Variants in ABCC3 observed in about 807,000 individuals in gnomAD.
ABCC3 encodes ATP binding cassette subfamily C member 3.
ABCC3 carries 121 observed loss-of-function variants against 165.3 expected under a neutral mutation model. The observed-to-expected ratio is 0.73, with a 90% CI of 0.63 to 0.85. ABCC3 has a LOEUF of 0.85. Among genes scored for constraint, ABCC3 ranks in the 40% least tolerant of loss-of-function variants. The pLI is 0.00. For synonymous variants in ABCC3, 733 were observed against 810.1 expected (o/e 0.90, Z 1.62); for missense variants, 1,869 against 1,964.1 (o/e 0.95, Z 0.92).
At chr17:50,637,883 A>C (rs1175915142) in intron 1 of ABCC3, among the ~76,000 whole-genome samples, 1 of 152,148 alleles carries the variant, frequency 6.6e-6, no homozygotes, top group Non-Finnish European at 1.5e-5. Context: ...AGTGGCTCCC[A>C]TTTCAGCTGT....
At chr17:50,661,162 C>G in intron 8 of ABCC3, 48 bp downstream of exon 8, 1 of 1,509,170 alleles carries the variant, frequency 6.6e-7, no homozygotes. Flanking sequence ...GGCAGCAGGG[C>G]TGGCTGGCTA....
chr17:50,641,646 G>A (rs917324915), intron 1 of ABCC3, among the ~76,000 whole-genome samples: 3 of 152,142 alleles, frequency 2.0e-5, no homozygotes, highest in Admixed American at 2.0e-4. Context: ...CCTTCTCTGT[G>A]CCAGGCCCTG....
chr17:50,656,867 C>T, intron 3 of ABCC3, 40 bp downstream of exon 3: 2 of 1,580,698 alleles, frequency 1.3e-6, no homozygotes, highest in Non-Finnish European at 1.7e-6. Flanking sequence ...GGGGAGGTCT[C>T]CATTGGGTTG....
chr17:50,664,047 C>G lies in ABCC3; in HGVS notation c.1274C>G (p.Pro425Arg). 1 of 1,614,204 alleles carries G rather than the reference C, an allele frequency of 6.2e-7. No homozygotes were observed. The highest frequency in any genetic ancestry group is 8.5e-7 in the Non-Finnish European group (1 of 1,180,046). Residue 425 changes from proline (P) to arginine (R), a missense_variant, in exon 10 of 31, where the codon CCC becomes CGC. Physicochemically the swap from Pro to Arg is moderately radical, Grantham distance 103. Coordinates refer to ENST00000285238, the MANE Select transcript of ABCC3 (RefSeq NM_003786.4). ...GCCCAGCGCTTCATGGACCTTGCCC[C>G]CTTCCTCAATCTGCTGTGGTCAGCA... Reference protein sequence around the residue: ...VDAQRFMDLAPFLNLLWSAPL... With the variant: ...VDAQRFMDLARFLNLLWSAPL...
At chr17:50,664,144 C>T (rs1967468141) in intron 10 of ABCC3, 33 bp downstream of exon 10, 12 of 1,611,068 alleles carry the variant, frequency 7.4e-6, no homozygotes, top group Non-Finnish European at 1.0e-5. Context: ...TGCCTCCTTC[C>T]TCTGACATGC....
intron 11 of ABCC3, among the ~76,000 whole-genome samples, chr17:50,667,213 A>G (rs994999405): frequency 1.3e-5 from 2 of 152,090 alleles, no homozygotes; most frequent in African/African-American, 4.8e-5. Context: ...ACAGTGAGGC[A>G]CCATCTCTAA....
rs1292934429 is a variant in ABCC3, at chr17:50,683,664, G to A, written c.3862G>A (p.Glu1288Lys). The A allele has an allele frequency of 1.9e-6, 3 of 1,604,012 alleles. No homozygotes were observed. Among genetic ancestry groups the A allele is most frequent in the Non-Finnish European group, 1.7e-6 (2 of 1,175,008 alleles). ...TCCCGAAGGTTGGCCCCCACGTGGG[G>A]AGGTGGAGTTCCGGAATTATTCTGT... ...RPPEGWPPRG[E>K]VEFRNYSVRY... The change falls in exon 27 of 31, where the codon GAG becomes AAG. Residue 1288 changes from glutamate to lysine, a missense_variant. Coordinates refer to ENST00000285238, the MANE Select transcript of ABCC3 (RefSeq NM_003786.4).
rs562693547 is a variant in ABCC3 at position 50,673,689 on chromosome 17, A to T, written c.2599+31A>T. The T allele has an allele frequency of 1.6e-5, 26 of 1,607,474 alleles. No homozygotes were observed. The African/African-American group carries it at 2.9e-4, about 18-fold the overall frequency. ...TGCCATCCTGGGCCCTCTGATTCCC[A>T]TGCCTTCCCAGCATTCCCCCTGTCT... is the stretch of plus-strand genomic sequence containing the variant. On this transcript the variant is annotated intron_variant, in intron 19 of 30. Transcript: ENST00000285238.
chr17:50,635,100 G>A, intron 1 of ABCC3, 119 bp downstream of exon 1: 2 of 1,122,460 alleles, frequency 1.8e-6, no homozygotes, highest in Non-Finnish European at 2.3e-6. Context: ...CCCCTGAGAC[G>A]GCCTGGGCGC....
chr17:50,664,529 C>T (rs1967477070), intron 10 of ABCC3: 1 of 216,078 alleles, frequency 4.6e-6, no homozygotes, highest in African/African-American at 2.3e-5. Flanking sequence ...ATGGTGAAAC[C>T]CCATCTCTAC....
intron 1 of ABCC3, among the ~76,000 whole-genome samples, chr17:50,647,935 AG>A (rs1967034276): frequency 6.6e-6 from 1 of 152,108 alleles, no homozygotes; most frequent in Admixed American, 6.6e-5. Flanking sequence ...GCTACTCGGG[AG>A]GCTGAGGCAG....
chr17:50,661,147 CCCTGGGCA>C, intron 8 of ABCC3, 33 bp downstream of exon 8: 1 of 1,547,418 alleles, frequency 6.5e-7, no homozygotes. Context: ...TATAGCCCTG[CCCTGGGCA>C]GCAGGGCTGG....
chr17:50,645,696 G>C (rs1375902588), intron 1 of ABCC3, among the ~76,000 whole-genome samples: 2 of 152,086 alleles, frequency 1.3e-5, no homozygotes, highest in Non-Finnish European at 2.9e-5. Context: ...AAACTCCCGG[G>C]CTCAAGAGAT....
At chr17:50,683,546 G>A (rs1442095083) in intron 26 of ABCC3, 64 bp from the exon 27 acceptor site, 10 of 1,469,586 alleles carry the variant, frequency 6.8e-6, no homozygotes, top group Non-Finnish European at 9.0e-6. Context: ...GGGGGAGAGA[G>A]ACCGAAAGGT....
chr17:50,635,898 A>C, intron 1 of ABCC3: 10 of 272,670 alleles, frequency 3.7e-5, no homozygotes, highest in Middle Eastern at 1.2e-3. Context: ...AAATAAATAA[A>C]TAAGAAAAGA....
intron 11 of ABCC3, 107 bp from the exon 12 acceptor site, chr17:50,667,447 G>A: frequency 2.0e-6 from 2 of 1,018,662 alleles, no homozygotes; most frequent in Admixed American, 2.2e-5. Flanking sequence ...ATGGTGGGCA[G>A]CGTGGAATGG....
chr17:50,644,844 C>G (rs986788486), intron 1 of ABCC3, among the ~76,000 whole-genome samples: 2 of 152,170 alleles, frequency 1.3e-5, no homozygotes, highest in East Asian at 3.9e-4. Flanking sequence ...CGGTAAAACC[C>G]CGTCTCTACT....
At chr17:50,648,540 A>G (rs903982807) in intron 1 of ABCC3, among the ~76,000 whole-genome samples, 4 of 152,212 alleles carry the variant, frequency 2.6e-5, no homozygotes, top group Admixed American at 1.3e-4. Flanking sequence ...CCCAGAGAAA[A>G]GACCTCCAGA....
rs555256955 is a variant in ABCC3 at position 50,676,890 on chromosome 17, G to T, written c.3378+302G>T. 9.8e-4 allele frequency among the ~76,000 whole-genome samples: 16 copies of T among 16,346 alleles called. 1 individual carries two copies. Among genetic ancestry groups the T allele is most frequent in the South Asian group, 4.8e-3 (1 of 210 alleles). The allele number at this position is 16,346 out of a possible 152,430, so 10.7% of individuals were successfully genotyped here. A position where few individuals can be genotyped will look rare whatever the true frequency, so the allele number is the denominator to read the frequency against. On this transcript the variant is annotated intron_variant, in intron 23 of 30. Coordinates refer to ENST00000285238, the MANE Select transcript of ABCC3 (RefSeq NM_003786.4). Reference sequence around the variant, plus strand: ...TTCCTGTTGGCTTTTTTTTTTTGGGGGGGGGGGGACGGAATCTCGAGTCTC... The same window carrying T: ...TTCCTGTTGGCTTTTTTTTTTTGGGTGGGGGGGGACGGAATCTCGAGTCTC...
Sources: allele counts gnomAD v4.1 joint callset (sites outside exome capture counted in the v4.1 genomes callset), GRCh38; gene constraint gnomAD v4.1.1; transcripts MANE v1.5; gene names NCBI Gene and HGNC (gene_info 2026-07-23, HGNC 2026-07-21).